Variants in KCNJ6 observed in about 807,000 individuals in gnomAD.
KCNJ6 encodes G protein-activated inward rectifier potassium channel 2.
In KCNJ6, 9 loss-of-function variants were observed where a neutral mutation model predicts 34.2. The ratio of observed to expected loss-of-function variants is 0.26; its 90% CI spans 0.16 to 0.46. The LOEUF (loss-of-function observed/expected upper bound fraction) is 0.46. Among genes scored for constraint, KCNJ6 ranks in the 20% least tolerant of loss-of-function variants. The pLI is 1.00. For synonymous variants in KCNJ6, 196 were observed against 207.1 expected, an observed-to-expected ratio of 0.95 and a Z score of 0.46; for missense variants, 236 against 531.3, an observed-to-expected ratio of 0.44 and a Z score of 5.46.
intron 2 of KCNJ6, among the ~76,000 whole-genome samples, chr21:37,786,004 G>C (rs1220737201): frequency 6.6e-6 from 1 of 152,348 alleles, no homozygotes. Flanking sequence ...AGAGCTGTGA[G>C]AAATAAATCT....
At chr21:37,763,885 A>C (rs772091286) in intron 2 of KCNJ6, among the ~76,000 whole-genome samples, 3 of 152,178 alleles carry the variant, frequency 2.0e-5, no homozygotes, top group Non-Finnish European at 4.4e-5. Context: ...ACCAACATGG[A>C]ACATGTATGT....
At chr21:37,829,134 A>G (rs865972704) in intron 2 of KCNJ6, among the ~76,000 whole-genome samples, 8 of 123,096 alleles carry the variant, frequency 6.5e-5, no homozygotes, top group African/African-American at 1.9e-4. Flanking sequence ...CAGAAGTGGG[A>G]GTGGCGGGAG....
chr21:37,772,286 A>C (rs114464135), intron 2 of KCNJ6, among the ~76,000 whole-genome samples: 1,967 of 152,286 alleles, frequency 0.013, 34 homozygotes, highest in African/African-American at 0.045. Flanking sequence ...GGTTGCACAT[A>C]TTATTATGTT....
intron 2 of KCNJ6, among the ~76,000 whole-genome samples, chr21:37,785,304 T>C (rs780679461): frequency 2.6e-5 from 4 of 152,208 alleles, no homozygotes; most frequent in Non-Finnish European, 4.4e-5. Flanking sequence ...CTGAGAATTA[T>C]AAAAGATGTT....
intron 2 of KCNJ6, among the ~76,000 whole-genome samples, chr21:37,781,092 C>T (rs1007437533): frequency 5.9e-5 from 9 of 152,152 alleles, no homozygotes; most frequent in East Asian, 1.9e-4. Flanking sequence ...CAGCACACGC[C>T]GGCTGCTTCC....
chr21:37,619,372 T>G lies in KCNJ6; in HGVS notation c.*5787A>C, dbSNP rs1220161283. 6.6e-6 allele frequency: 1 copy of G among 152,232 alleles called. No individual in the cohort carries two copies. Among genetic ancestry groups the G allele is most frequent in the African/African-American group, 2.4e-5 (1 of 41,466 alleles). 9.4% of individuals were successfully genotyped at this position (152,232 alleles called of 1,614,324 possible). A position where few individuals can be genotyped will look rare whatever the true frequency, so the allele number is the denominator to read the frequency against. On this transcript the variant is annotated 3_prime_UTR_variant, in exon 4 of 4. Transcript: ENST00000609713. ...CATTATGTCTGTAATTACCAATCTTTGTCTTTGCTTCAGACTCAGAAAGCG... is the reference window on the plus strand; with the variant it reads ...CATTATGTCTGTAATTACCAATCTTGGTCTTTGCTTCAGACTCAGAAAGCG...
rs922106999 is a variant in KCNJ6 at position 37,913,375 on chromosome 21, A to C, written c.-28+2509T>G. On this transcript the variant is annotated intron_variant, in intron 1 of 3. Coordinates refer to ENST00000609713, the MANE Select transcript of KCNJ6 (RefSeq NM_002240.5). ...TAGGAAATGTAGCCACCTTGCTCAC[A>C]CGCAGGCTTGAAGATGTGATCACTG... 2.6e-5 allele frequency among the ~76,000 whole-genome samples: 4 copies of C among 152,230 alleles called. No homozygotes were observed. The South Asian group carries it at 8.3e-4, about 31-fold the overall frequency.
chr21:37,842,239 C>T (rs887435525), intron 1 of KCNJ6, among the ~76,000 whole-genome samples: 2 of 152,234 alleles, frequency 1.3e-5, no homozygotes, highest in African/African-American at 4.8e-5. Context: ...TCCAGCCCCT[C>T]TGCCATCGAC....
At chr21:37,826,938 G>A (rs547078306) in intron 2 of KCNJ6, among the ~76,000 whole-genome samples, 4 of 152,142 alleles carry the variant, frequency 2.6e-5, no homozygotes, top group South Asian at 2.1e-4. Flanking sequence ...TTAAGAATGC[G>A]TGGTGGAAGA....
intron 2 of KCNJ6, among the ~76,000 whole-genome samples, chr21:37,759,559 C>T (rs1006822195): frequency 2.0e-5 from 3 of 152,196 alleles, no homozygotes; most frequent in Non-Finnish European, 4.4e-5. Flanking sequence ...TCATCCCCGC[C>T]ATCCCCATCA....
chr21:37,852,029 A>G (rs1469983263), intron 1 of KCNJ6, among the ~76,000 whole-genome samples: 1 of 152,204 alleles, frequency 6.6e-6, no homozygotes, highest in African/African-American at 2.4e-5. Context: ...GGAGAGAGGT[A>G]GTCTAAGAAG....
At chr21:37,688,573 G>T (rs1351972653) in intron 3 of KCNJ6, among the ~76,000 whole-genome samples, 1 of 152,182 alleles carries the variant, frequency 6.6e-6, no homozygotes, top group East Asian at 1.9e-4. Context: ...CTGGACACAA[G>T]TCCAGGGCTT....
intron 1 of KCNJ6, among the ~76,000 whole-genome samples, chr21:37,864,932 G>A (rs757178434): frequency 7.5e-5 from 11 of 146,590 alleles, no homozygotes; most frequent in South Asian, 2.1e-4. Flanking sequence ...CTTGAAATTT[G>A]GGGCTCAAGT....
At chr21:37,872,656 G>T (rs1158360717) in intron 1 of KCNJ6, among the ~76,000 whole-genome samples, 1 of 152,176 alleles carries the variant, frequency 6.6e-6, no homozygotes, top group Non-Finnish European at 1.5e-5. Flanking sequence ...TTATGTATCA[G>T]TCTTCTGTGA....
intron 3 of KCNJ6, among the ~76,000 whole-genome samples, chr21:37,693,050 A>T (rs1476092457): frequency 6.7e-6 from 1 of 149,876 alleles, no homozygotes; most frequent in Non-Finnish European, 1.5e-5. Context: ...CATGTTTTCA[A>T]GCTTTTATTA....
intron 1 of KCNJ6, among the ~76,000 whole-genome samples, chr21:37,912,425 ACCC>A (rs1311693603): frequency 6.6e-6 from 1 of 152,038 alleles, no homozygotes; most frequent in Non-Finnish European, 1.5e-5. Flanking sequence ...TATTGACACC[ACCC>A]CCCTTTTTAA....
intron 1 of KCNJ6, among the ~76,000 whole-genome samples, chr21:37,903,638 C>T (rs1330484810): frequency 1.3e-5 from 2 of 152,098 alleles, no homozygotes; most frequent in African/African-American, 4.8e-5. Flanking sequence ...CCAGGACAGA[C>T]ACACAGGGCT....
intron 1 of KCNJ6, among the ~76,000 whole-genome samples, chr21:37,881,929 G>T (rs1338194366): frequency 6.6e-6 from 1 of 152,116 alleles, no homozygotes; most frequent in African/African-American, 2.4e-5. Context: ...AAGACCAACA[G>T]GAGGAAATTT....
chr21:37,703,492 G>T (rs1299376423), intron 3 of KCNJ6, among the ~76,000 whole-genome samples: 1 of 152,152 alleles, frequency 6.6e-6, no homozygotes, highest in African/African-American at 2.4e-5. Context: ...TGAAGAGAGG[G>T]AAGAAAGTAG....
Sources: gnomAD v4.1 joint callset for allele counts (sites outside exome capture counted in the v4.1 genomes callset) on GRCh38, gnomAD v4.1.1 for gene constraint, MANE v1.5 for transcripts, NCBI Gene and HGNC (gene_info 2026-07-23, HGNC 2026-07-21) for gene names.